The following HIVEP2 variants were observed in gnomAD, a reference collection of about 807,000 sequenced individuals.
The protein encoded by HIVEP2 is transcription factor HIVEP2.
HIVEP2 carries 14 observed loss-of-function variants against 180.7 expected under a neutral mutation model. That is an observed-to-expected ratio of 0.08 (90% CI 0.05 to 0.12). HIVEP2 has a LOEUF of 0.12. HIVEP2 is among the 10% of genes least tolerant of loss of function. HIVEP2 has a pLI of 1.00. For synonymous variants in HIVEP2, 1,184 were observed against 1,136.4 expected, an observed-to-expected ratio of 1.04 and a Z score of -0.84; for missense variants, 2,579 against 3,008.5, an observed-to-expected ratio of 0.86 and a Z score of 3.34.
intron 1 of HIVEP2, among the ~76,000 whole-genome samples, chr6:142,866,921 T>C (rs1776154990): frequency 6.6e-6 from 1 of 152,204 alleles, no homozygotes; most frequent in Non-Finnish European, 1.5e-5. Context: ...AATTAAGCTA[T>C]AATCTTCCAG....
intron 2 of HIVEP2, among the ~76,000 whole-genome samples, chr6:142,793,677 C>CTTTCTTTTTTTTTTCTTTCTTTCTT (rs1554279295): frequency 2.4e-5 from 3 of 125,042 alleles, no homozygotes; most frequent in Admixed American, 9.5e-5. Flanking sequence ...CTTTCTTTCT[C>CTTTCTTTTTTTTTTCTTTCTTTCTT]TCTCTCTCTC....
intron 2 of HIVEP2, among the ~76,000 whole-genome samples, chr6:142,808,825 T>G (rs916209200): frequency 1.3e-5 from 2 of 151,944 alleles, no homozygotes; most frequent in Non-Finnish European, 2.9e-5. Context: ...GATAAATGGA[T>G]GGATGGTGGA....
intron 9 of HIVEP2, 135 bp downstream of exon 9, chr6:142,759,637 C>T: frequency 7.0e-6 from 5 of 711,390 alleles, no homozygotes; most frequent in Non-Finnish European, 1.2e-5. Flanking sequence ...AAATGTCTCC[C>T]CGCTATTTTC....
Position 142,753,446 on chromosome 6 carries a change from G to A in HIVEP2, c.7002C>T (p.Ala2334=), listed in dbSNP as rs202051780. 6.2e-7 allele frequency: 1 copy of A among 1,614,024 alleles called. No individual in the cohort carries two copies. Among genetic ancestry groups the A allele is most frequent in the South Asian group, 1.1e-5 (1 of 91,086 alleles). Residue 2334 remains alanine (A), a synonymous_variant, in exon 10 of 10, where the codon GCC becomes GCT. Coordinates refer to ENST00000367603, the MANE Select transcript of HIVEP2 (RefSeq NM_006734.4). ...ENIQTCTKAI[A]SLRIATEEAA... ...CCTCTTCCGTGGCAATCCGGAGAGA[G>A]GCAATGGCTTTTGTACAAGTCTGTA...
At chr6:142,861,463 T>C (rs1291382418) in intron 1 of HIVEP2, among the ~76,000 whole-genome samples, 2 of 152,154 alleles carry the variant, frequency 1.3e-5, no homozygotes, top group Non-Finnish European at 2.9e-5. Flanking sequence ...ATAAGCAAAA[T>C]GCCAGAGCAA....
intron 2 of HIVEP2, among the ~76,000 whole-genome samples, chr6:142,823,425 T>C (rs1168629543): frequency 6.6e-6 from 1 of 152,230 alleles, no homozygotes; most frequent in African/African-American, 2.4e-5. Context: ...TGAGTTGGAA[T>C]GCCCTGAAGG....
intron 1 of HIVEP2, among the ~76,000 whole-genome samples, chr6:142,900,405 C>T (rs935925729): frequency 6.6e-6 from 1 of 152,154 alleles, no homozygotes; most frequent in Admixed American, 6.5e-5. Flanking sequence ...ACCTCACCAC[C>T]CTGGGCCACA....
chr6:142,879,897 T>C (rs189615180), intron 1 of HIVEP2, among the ~76,000 whole-genome samples: 33 of 152,260 alleles, frequency 2.2e-4, no homozygotes, highest in African/African-American at 7.7e-4. Context: ...TGGGCCATGA[T>C]CTCTGACTTC....
At position 142,753,552 on chromosome 6, in the gene HIVEP2, G is replaced by T. The variant is rs780186629; in HGVS notation, c.6896C>A (p.Pro2299His). The change falls in exon 10 of 10, where the codon CCC (proline) becomes CAC (histidine). Residue 2299 changes from proline (P) to histidine (H), a missense_variant. By Grantham distance (77) the Pro-to-His change is moderately conservative. Coordinates refer to ENST00000367603, the MANE Select transcript of HIVEP2 (RefSeq NM_006734.4). ...TTTCATCAACAGCCGAGGAGAGGAG[G>T]GAGTGCTAGGTGGACCAGATGACTG... The part of the protein sequence containing the change: ...ALQSSGPPST[P>H]SSPRLLMKQS... 6.2e-7 allele frequency: 1 copy of T among 1,614,182 alleles called. No homozygotes were observed. The highest frequency in any genetic ancestry group is 2.2e-5 in the East Asian group (1 of 44,876).
intron 2 of HIVEP2, among the ~76,000 whole-genome samples, chr6:142,823,783 T>C (rs1287714523): frequency 6.6e-6 from 1 of 152,246 alleles, no homozygotes. Flanking sequence ...CATTAGCAAC[T>C]AAAATGGACA....
intron 3 of HIVEP2, among the ~76,000 whole-genome samples, chr6:142,779,123 G>T (rs1038967886): frequency 6.6e-6 from 1 of 152,088 alleles, no homozygotes; most frequent in Non-Finnish European, 1.5e-5. Flanking sequence ...GAGGAGGGGG[G>T]TCTCACTTTC....
chr6:142,858,628 G>A (rs1269860978), intron 1 of HIVEP2, among the ~76,000 whole-genome samples: 3 of 150,596 alleles, frequency 2.0e-5, no homozygotes, highest in African/African-American at 7.4e-5. Context: ...TTTCACTCTC[G>A]TTGCCCAGGC....
intron 2 of HIVEP2, among the ~76,000 whole-genome samples, chr6:142,808,556 G>A (rs1411412870): frequency 2.0e-5 from 3 of 150,954 alleles, no homozygotes; most frequent in African/African-American, 4.9e-5. Context: ...AGGGATGGAT[G>A]GAAGAGAGAG....
chr6:142,876,903 G>T (rs998513409), intron 1 of HIVEP2, among the ~76,000 whole-genome samples: 5 of 151,830 alleles, frequency 3.3e-5, no homozygotes, highest in Non-Finnish European at 7.4e-5. Context: ...GCAAACATTA[G>T]TTGAGCGTGG....
chr6:142,856,461 G>A (rs746780219), intron 1 of HIVEP2, among the ~76,000 whole-genome samples: 6 of 152,184 alleles, frequency 3.9e-5, no homozygotes, highest in Non-Finnish European at 7.3e-5. Context: ...TAACATGACC[G>A]ATGTGCTACA....
intron 2 of HIVEP2, among the ~76,000 whole-genome samples, chr6:142,829,069 C>G (rs1775000061): frequency 6.6e-6 from 1 of 152,124 alleles, no homozygotes; most frequent in Non-Finnish European, 1.5e-5. Flanking sequence ...TCCAGGTTTT[C>G]CAGTTCTTCT....
chr6:142,802,258 C>G (rs994633434), intron 2 of HIVEP2, among the ~76,000 whole-genome samples: 3 of 152,060 alleles, frequency 2.0e-5, no homozygotes, highest in Non-Finnish European at 4.4e-5. Context: ...GAGGGTAAAC[C>G]AGGAGAGGGT....
intron 1 of HIVEP2, among the ~76,000 whole-genome samples, chr6:142,938,436 GCTA>G (rs1443988075): frequency 1.3e-5 from 2 of 152,182 alleles, no homozygotes; most frequent in African/African-American, 4.8e-5. Flanking sequence ...GGTGAACAAA[GCTA>G]CTTACAGTTT....
intron 1 of HIVEP2, among the ~76,000 whole-genome samples, chr6:142,882,447 C>G (rs543103581): frequency 3.3e-5 from 5 of 150,436 alleles, no homozygotes; most frequent in East Asian, 1.9e-4. Flanking sequence ...CCTGTTTCCA[C>G]AAAAAATAAA....
Sources: allele counts gnomAD v4.1 joint callset (sites outside exome capture counted in the v4.1 genomes callset), GRCh38; gene constraint gnomAD v4.1.1; transcripts MANE v1.5; gene names NCBI Gene and HGNC (gene_info 2026-07-23, HGNC 2026-07-21).